MIA3: variants seen among roughly 807,000 people sequenced by gnomAD.
MIA3 encodes transport and Golgi organization protein 1 homolog.
A neutral mutation model predicts 192.4 loss-of-function variants in MIA3; 90 were observed. The observed-to-expected ratio is 0.47, with a 90% CI of 0.39 to 0.56. The LOEUF is 0.56. Among genes scored for constraint, MIA3 ranks in the 20% least tolerant of loss-of-function variants. The pLI is 0.00. For synonymous variants in MIA3, 740 were observed against 792.8 expected (o/e 0.93, Z 1.12); for missense variants, 2,123 against 2,269.4 (o/e 0.94, Z 1.31).
chr1:222,645,764 T>A, intron 7 of MIA3, 79 bp downstream of exon 7: 1 of 1,279,904 alleles, frequency 7.8e-7, no homozygotes, highest in South Asian at 1.4e-5. Flanking sequence ...TCTTTTTCAG[T>A]TTCTAATATG....
Position 222,654,797 on chromosome 1 carries a change from A to T in MIA3, c.4607+4A>T. The T allele has an allele frequency of 6.2e-7, 1 of 1,612,292 alleles. No homozygotes were observed. Among genetic ancestry groups the T allele is most frequent in the Non-Finnish European group, 8.5e-7 (1 of 1,178,660 alleles). ...AGAAGGAGATGGCTTTGCAAAAGTA[A>T]GATTATCATCATTTACTGTTAACTG... On this transcript the variant is annotated splice_donor_region_variant and intron_variant, in intron 18 of 27. Transcript: ENST00000344922.
In MIA3 at chr1:222,662,038, T is replaced by G; in HGVS notation, c.5114-18T>G. The G allele has an allele frequency of 6.2e-7, 1 of 1,605,684 alleles. No individual in the cohort carries two copies. The highest frequency in any genetic ancestry group is 8.5e-7 in the Non-Finnish European group (1 of 1,173,052). ...TTCCAAAAAATACATATAAGGACTC[T>G]GTTATTTCTTTCTCAAGGATCAGTG... On this transcript the variant is annotated intron_variant, in intron 24 of 27. Transcript: ENST00000344922.
At chr1:222,618,308 G>C (rs1661700232) in intron 1 of MIA3, 65 bp downstream of exon 1, 1 of 1,274,184 alleles carries the variant, frequency 7.8e-7, no homozygotes, top group East Asian at 3.3e-5. Flanking sequence ...CCGGCCCCGG[G>C]GGTCTCCGCG....
At chr1:222,648,878 G>T (rs1243266800) in intron 8 of MIA3, 28 bp downstream of exon 8, 5 of 1,382,020 alleles carry the variant, frequency 3.6e-6, no homozygotes, top group Admixed American at 3.6e-5. Flanking sequence ...TTTGTTATTT[G>T]TACTAGTCCC....
At chr1:222,659,314 C>T (rs1253247218) in intron 19 of MIA3, 139 bp from the exon 20 acceptor site, 1 of 704,436 alleles carries the variant, frequency 1.4e-6, no homozygotes, top group African/African-American at 1.8e-5. Flanking sequence ...TTTGTTATAA[C>T]CAACCATGTA....
intron 15 of MIA3, among the ~76,000 whole-genome samples, chr1:222,654,007 CAT>C (rs539931948): frequency 3.9e-5 from 6 of 152,180 alleles, no homozygotes; most frequent in African/African-American, 2.4e-5. Context: ...CTTTATCTCA[CAT>C]GTTTCTTCTT....
chr1:222,653,515 G>A (rs1373002524), intron 15 of MIA3, among the ~76,000 whole-genome samples, 176 bp downstream of exon 15: 1 of 152,208 alleles, frequency 6.6e-6, no homozygotes, highest in Admixed American at 6.5e-5. Context: ...AGGTGTAGCA[G>A]TAAGCATGCA....
intron 13 of MIA3, among the ~76,000 whole-genome samples, chr1:222,652,781 T>TAGA (rs1663511817): frequency 6.6e-6 from 1 of 152,216 alleles, no homozygotes; most frequent in South Asian, 2.1e-4. Context: ...GGCTACAATT[T>TAGA]TCTGAAGGAT....
At chr1:222,658,031 T>C (rs1449819380) in intron 18 of MIA3, among the ~76,000 whole-genome samples, 1 of 152,224 alleles carries the variant, frequency 6.6e-6, no homozygotes, top group East Asian at 1.9e-4. Context: ...ATCTGTGTTA[T>C]AGTTGGCTAA....
Position 222,666,688 on chromosome 1 carries a change from T to G in MIA3, c.*1069T>G, listed in dbSNP as rs1664303071. On this transcript the variant is annotated 3_prime_UTR_variant, in exon 28 of 28. Coordinates refer to ENST00000344922, the MANE Select transcript of MIA3 (RefSeq NM_198551.4). ...CAACCAAGGGTTGAAATCAGTTCTG[T>G]TTTAGGGGGAAATGGGGGCGACAGA... 1.9e-5 allele frequency: 1 copy of G among 53,068 alleles called. No individual in the cohort carries two copies. The highest frequency in any genetic ancestry group is 9.1e-5 in the African/African-American group (1 of 11,036). The allele number at this position is 53,068 out of a possible 1,614,324, so 3.3% of individuals were successfully genotyped here.
At chr1:222,624,521 T>C (rs1049357758) in intron 2 of MIA3, among the ~76,000 whole-genome samples, 2 of 152,220 alleles carry the variant, frequency 1.3e-5, no homozygotes, top group East Asian at 1.9e-4. Context: ...AAGTGATCTC[T>C]TGTGGTTCTC....
Position 222,661,228 on chromosome 1 carries a change from C to T in MIA3, c.5114-828C>T, listed in dbSNP as rs1663992328. On this transcript the variant is annotated intron_variant, in intron 24 of 27. Coordinates refer to ENST00000344922, the MANE Select transcript of MIA3 (RefSeq NM_198551.4). ...TGCCACTAGTGATGCTGGAAGTATTCTCAAGAAGCAAAGTCATGACACTAC... is the reference window on the plus strand; with the variant it reads ...TGCCACTAGTGATGCTGGAAGTATTTTCAAGAAGCAAAGTCATGACACTAC... 2.0e-5 allele frequency: 3 copies of T among 152,522 alleles called. No homozygotes were observed. The South Asian group carries it at 6.1e-4, about 31-fold the overall frequency. The allele number at this position is 152,522 out of a possible 1,614,324, so 9.4% of individuals were successfully genotyped here.
In MIA3 at chr1:222,627,906, C is replaced by G. The variant is rs1216127250; in HGVS notation, c.686C>G (p.Ser229Cys). Residue 229 changes from serine to cysteine, a missense_variant, in exon 4 of 28, where the codon TCT (serine) becomes TGT (cysteine). Around this residue, in one of 3 missense-constraint regions of MIA3, gnomAD observed 1,357 missense variants for 1,396.1 expected, o/e 0.97. Transcript: ENST00000344922. ...CAGGGAGAGCAGGCTTCATTTGAATCTTTTGAAGAAATGCTGCAAGATAAA... is the reference window on the plus strand; with the variant it reads ...CAGGGAGAGCAGGCTTCATTTGAATGTTTTGAAGAAATGCTGCAAGATAAA... ...HAQGEQASFESFEEMLQDKLK... is the reference protein window; with the variant it reads ...HAQGEQASFECFEEMLQDKLK... The G allele has an allele frequency of 6.2e-7, 1 of 1,614,042 alleles. No homozygotes were observed. The highest frequency in any genetic ancestry group is 2.2e-5 in the East Asian group (1 of 44,882).
chr1:222,637,996 A>G (rs544959911), intron 6 of MIA3, among the ~76,000 whole-genome samples: 1 of 152,284 alleles, frequency 6.6e-6, no homozygotes, highest in East Asian at 1.9e-4. Context: ...ATTCTTATTG[A>G]TGATCAATTT....
At position 222,632,301 on chromosome 1, in the gene MIA3, A is replaced by G. The variant is rs1292178069; in HGVS notation, c.3306A>G (p.Pro1102=). The G allele has an allele frequency of 1.2e-6, 2 of 1,613,906 alleles. No individual in the cohort carries two copies. The highest frequency in any genetic ancestry group is 1.7e-5 in the Admixed American group (1 of 59,976). The stretch of plus-strand genomic sequence containing the variant: ...ATGCCTCAGAAGTGTCACAGAAGCC[A>G]AATACTGAGAAAGACCTGGACCCAG... ...DTHASEVSQK[P]NTEKDLDPGP... is the part of the protein sequence containing the mutation. The change falls in exon 5 of 28, where the codon CCA becomes CCG. Residue 1102 remains proline, a synonymous_variant. Transcript: ENST00000344922.
intron 2 of MIA3, among the ~76,000 whole-genome samples, chr1:222,624,266 C>G (rs1039254061): frequency 9.2e-5 from 14 of 152,164 alleles, no homozygotes; most frequent in Admixed American, 8.5e-4. Context: ...CGTACACACA[C>G]AAACTCAGAT....
At chr1:222,620,694 G>A (rs1661815491) in intron 1 of MIA3, among the ~76,000 whole-genome samples, 1 of 152,186 alleles carries the variant, frequency 6.6e-6, no homozygotes, top group Non-Finnish European at 1.5e-5. Flanking sequence ...TTGACCTCTT[G>A]GGGGTTCCTG....
chr1:222,645,811 T>C (rs1663111087), intron 7 of MIA3, 126 bp downstream of exon 7: 1 of 799,240 alleles, frequency 1.3e-6, no homozygotes, highest in South Asian at 2.1e-5. Flanking sequence ...GCTAACCTTG[T>C]AAAATAATTT....
intron 11 of MIA3, 30 bp from the exon 12 acceptor site, chr1:222,651,947 T>C (rs528454807): frequency 1.1e-5 from 13 of 1,217,374 alleles, no homozygotes; most frequent in Middle Eastern, 3.8e-4. Flanking sequence ...AATCCTAATA[T>C]GCATTTTGTG....
Sources: allele counts gnomAD v4.1 joint callset (sites outside exome capture counted in the v4.1 genomes callset), GRCh38; gene constraint gnomAD v4.1.1; regional missense constraint gnomAD v4.1.1; transcripts MANE v1.5; gene names NCBI Gene and HGNC (gene_info 2026-07-23, HGNC 2026-07-21).